Variants in LAMA2 observed in about 807,000 individuals in gnomAD.
The protein encoded by LAMA2 is laminin subunit alpha 2.
A neutral mutation model predicts 364.8 loss-of-function variants in LAMA2; 269 were observed. The observed-to-expected ratio is 0.74, with a 90% CI of 0.67 to 0.82. The LOEUF is 0.82. Ranked by LOEUF, LAMA2 falls within the 40% of genes least tolerant of loss-of-function variation. The pLI is 0.00. For missense variants in LAMA2, 3,807 were observed against 3,873.2 expected (o/e 0.98, Z 0.45); for synonymous variants, 1,379 against 1,370.6 (o/e 1.01, Z -0.14).
At chr6:128,927,283 A>G (rs1779159639) in intron 1 of LAMA2, among the ~76,000 whole-genome samples, 1 of 152,168 alleles carries the variant, frequency 6.6e-6, no homozygotes, top group Admixed American at 6.5e-5. Context: ...CACACATAAC[A>G]AAAATGTCAT....
rs534331189 is a variant in LAMA2, at chr6:129,135,309, C to T, written c.640-8592C>T. On this transcript the variant is annotated intron_variant, in intron 4 of 64. Transcript: ENST00000421865. ...TAGACTCTCACTAGTGGTGAGCTTT[C>T]GGTCACTACAAGTCTTCAAAAGGGG... 3.9e-5 allele frequency among the ~76,000 whole-genome samples: 6 copies of T among 152,226 alleles called. No individual in the cohort carries two copies. The South Asian group carries it at 1.0e-3, about 26-fold the overall frequency.
At chr6:128,997,001 T>A (rs1783987991) in intron 1 of LAMA2, among the ~76,000 whole-genome samples, 1 of 152,056 alleles carries the variant, frequency 6.6e-6, no homozygotes, top group Non-Finnish European at 1.5e-5. Flanking sequence ...CTGGAAACCA[T>A]CATTCTCAGC....
At chr6:129,385,108 G>GAA (rs1778913666) in intron 35 of LAMA2, among the ~76,000 whole-genome samples, 1 of 142 alleles carries the variant, frequency 7.0e-3, no homozygotes, top group African/African-American at 0.022. Context: ...GGAAGGAAGG[G>GAA]AGGGAGGGAG....
chr6:129,064,363 CA>C (rs61014931), intron 3 of LAMA2, among the ~76,000 whole-genome samples: 99,894 of 117,518 alleles, frequency 0.85, 41,728 homozygotes, highest in Admixed American at 0.91. Context: ...TTCAAGAAAG[CA>C]AAAAAAAAAA....
intron 12 of LAMA2, among the ~76,000 whole-genome samples, chr6:129,244,724 A>AG (rs939163146): frequency 3.9e-5 from 6 of 151,954 alleles, no homozygotes; most frequent in Non-Finnish European, 7.4e-5. Flanking sequence ...TGAGATTGAG[A>AG]GGGAAAAAAA....
At chr6:129,139,736 C>T (rs1259332827) in intron 4 of LAMA2, among the ~76,000 whole-genome samples, 2 of 151,976 alleles carry the variant, frequency 1.3e-5, no homozygotes, top group African/African-American at 2.4e-5. Context: ...TTAAGAGGTC[C>T]CCAGATGTCT....
At chr6:129,491,750 C>T in intron 56 of LAMA2, 151 bp from the exon 57 acceptor site, 4 of 680,504 alleles carry the variant, frequency 5.9e-6, no homozygotes, top group East Asian at 2.7e-5. Context: ...CTGAGAACAG[C>T]GTTTGCTTAG....
chr6:129,059,520 G>T (rs1788736883), intron 2 of LAMA2, among the ~76,000 whole-genome samples: 1 of 152,042 alleles, frequency 6.6e-6, no homozygotes, highest in Non-Finnish European at 1.5e-5. Context: ...TGCCCATTTT[G>T]GTTAATGGCC....
At chr6:128,990,535 A>G (rs1046352430) in intron 1 of LAMA2, among the ~76,000 whole-genome samples, 3 of 152,186 alleles carry the variant, frequency 2.0e-5, no homozygotes, top group Non-Finnish European at 4.4e-5. Flanking sequence ...TCACCATTGG[A>G]GGTAATAGCG....
chr6:129,425,467 G>C (rs1488868380), intron 40 of LAMA2, among the ~76,000 whole-genome samples: 2 of 151,628 alleles, frequency 1.3e-5, no homozygotes, highest in Non-Finnish European at 2.9e-5. Flanking sequence ...AAAGGTACAT[G>C]TGCAGGTTTT....
intron 23 of LAMA2, among the ~76,000 whole-genome samples, chr6:129,314,301 A>G (rs972746135): frequency 1.3e-5 from 2 of 149,602 alleles, no homozygotes; most frequent in Non-Finnish European, 3.0e-5. Context: ...CGGAAGGCTG[A>G]GGCCGGAGAA....
At chr6:128,937,806 A>G (rs2114533348) in intron 1 of LAMA2, among the ~76,000 whole-genome samples, 1 of 151,328 alleles carries the variant, frequency 6.6e-6, no homozygotes, top group Non-Finnish European at 1.5e-5. Context: ...TCTAATATGT[A>G]TTATTCCCTT....
rs767663547 is a variant in LAMA2, at chr6:129,287,977, A to G, written c.2668A>G (p.Lys890Glu). 2 of 1,614,128 alleles carry G rather than the reference A, an allele frequency of 1.2e-6. No individual in the cohort carries two copies. Among genetic ancestry groups the G allele is most frequent in the South Asian group, 2.2e-5 (2 of 91,082 alleles). The change falls in exon 19 of 65, where the codon AAA becomes GAA. Residue 890 changes from lysine (K) to glutamate (E), a missense_variant. This residue lies in a region of LAMA2 where 3,333 missense variants were observed against 3,345.7 expected (regional missense o/e 1.00). Transcript: ENST00000421865. ...DSLSGSCLIC[K>E]PGTTGRYCEL... is the part of the protein sequence containing the mutation. ...CTTGTCTGGCTCCTGTCTGATATGT[A>G]AACCAGGTACAACAGGCCGGTACTG...
At chr6:129,217,573 T>C (rs1397248423) in intron 12 of LAMA2, among the ~76,000 whole-genome samples, 2 of 152,204 alleles carry the variant, frequency 1.3e-5, no homozygotes, top group African/African-American at 4.8e-5. Context: ...TCTGTTATCA[T>C]GTTGTCAGTA....
intron 27 of LAMA2, among the ~76,000 whole-genome samples, chr6:129,317,280 G>A (rs921096106): frequency 6.6e-6 from 1 of 152,062 alleles, no homozygotes; most frequent in Non-Finnish European, 1.5e-5. Context: ...ATATAGAATC[G>A]ATATATGTTT....
chr6:129,285,309 G>A (rs1789028137), intron 18 of LAMA2, among the ~76,000 whole-genome samples: 7 of 152,026 alleles, frequency 4.6e-5, no homozygotes, highest in Admixed American at 4.6e-4. Context: ...CCCACTTTCA[G>A]TAACATGGCA....
At chr6:129,349,409 G>A (rs1283206142) in intron 31 of LAMA2, 25 bp downstream of exon 31, 2 of 1,541,394 alleles carry the variant, frequency 1.3e-6, no homozygotes, top group South Asian at 1.1e-5. Flanking sequence ...GAAACGTACA[G>A]AGTAATGATA....
chr6:129,126,081 G>T (rs2114927309), intron 4 of LAMA2, among the ~76,000 whole-genome samples: 1 of 152,162 alleles, frequency 6.6e-6, no homozygotes, highest in Admixed American at 6.5e-5. Context: ...AGAAAGCACA[G>T]GTTAAATCAA....
At chr6:129,065,226 T>C (rs1789214564) in intron 3 of LAMA2, among the ~76,000 whole-genome samples, 1 of 152,154 alleles carries the variant, frequency 6.6e-6, no homozygotes, top group Non-Finnish European at 1.5e-5. Flanking sequence ...ATAAAAGCTG[T>C]CAACAAATTA....
Sources: gnomAD v4.1 joint callset for allele counts (sites outside exome capture counted in the v4.1 genomes callset) on GRCh38, gnomAD v4.1.1 for gene constraint, gnomAD v4.1.1 regional missense constraint, MANE v1.5 for transcripts, NCBI Gene and HGNC (gene_info 2026-07-23, HGNC 2026-07-21) for gene names.